SYN3: variants seen among roughly 807,000 people sequenced by gnomAD.
SYN3 encodes the protein synapsin-3.
A neutral mutation model predicts 65.8 loss-of-function variants in SYN3; 35 were observed. The observed-to-expected ratio is 0.53, with a 90% CI of 0.41 to 0.70. The LOEUF (loss-of-function observed/expected upper bound fraction) is 0.70, where lower values mean the gene tolerates loss of function less well. Among genes scored for constraint, SYN3 ranks in the 30% least tolerant of loss-of-function variants. SYN3 has a pLI of 0.00. For missense variants in SYN3, 680 were observed against 749.0 expected, an observed-to-expected ratio of 0.91 and a Z score of 1.08; for synonymous variants, 270 against 292.9, an observed-to-expected ratio of 0.92 and a Z score of 0.80.
intron 4 of SYN3, among the ~76,000 whole-genome samples, chr22:32,926,537 AT>A (rs956928640): frequency 6.6e-6 from 1 of 152,006 alleles, no homozygotes; most frequent in Non-Finnish European, 1.5e-5. Flanking sequence ...CTTCGAGTCT[AT>A]TTTTTCCCCC....
intron 3 of SYN3, among the ~76,000 whole-genome samples, chr22:32,975,101 G>A (rs554193969): frequency 1.3e-5 from 2 of 152,248 alleles, no homozygotes; most frequent in African/African-American, 4.8e-5. Flanking sequence ...CCCCAGCTGG[G>A]TGCGGTGGCT....
At chr22:32,760,973 T>C (rs1445514945) in intron 6 of SYN3, among the ~76,000 whole-genome samples, 1 of 152,216 alleles carries the variant, frequency 6.6e-6, no homozygotes, top group East Asian at 1.9e-4. Flanking sequence ...TCTTACAATG[T>C]TCCTCTCAAC....
At chr22:32,525,199 C>T (rs116958394) in intron 12 of SYN3, among the ~76,000 whole-genome samples, 4 of 152,276 alleles carry the variant, frequency 2.6e-5, no homozygotes, top group Non-Finnish European at 4.4e-5. Context: ...AGTTGATTCC[C>T]ATCCTTATGG....
chr22:32,986,267 G>T (rs1177274167), intron 2 of SYN3, among the ~76,000 whole-genome samples: 1 of 152,188 alleles, frequency 6.6e-6, no homozygotes, highest in African/African-American at 2.4e-5. Flanking sequence ...CGATGTGGGG[G>T]TGTGTACGAG....
rs1229732208 is a variant in SYN3 at position 32,510,752 on chromosome 22, C to A, written c.*2940G>T. 2.6e-5 allele frequency among the ~76,000 whole-genome samples: 4 copies of A among 152,084 alleles called. No homozygotes were observed. The highest frequency in any genetic ancestry group is 2.1e-4 in the South Asian group (1 of 4,824). The stretch of plus-strand genomic sequence containing the variant: ...GCCCCAGATCCTTCTAATGGGGGAA[C>A]CTCACCTGCCCTTGTCAGGAAAGAA... On this transcript the variant is annotated 3_prime_UTR_variant, in exon 14 of 14. Transcript: ENST00000358763.
chr22:32,938,321 G>T (rs2050832594), intron 3 of SYN3, among the ~76,000 whole-genome samples: 1 of 151,942 alleles, frequency 6.6e-6, no homozygotes, highest in Non-Finnish European at 1.5e-5. Context: ...AAGGTCAGGA[G>T]ATCAAGACCA....
intron 4 of SYN3, among the ~76,000 whole-genome samples, chr22:32,912,480 T>C (rs1259165488): frequency 6.6e-6 from 1 of 151,652 alleles, no homozygotes; most frequent in East Asian, 1.9e-4. Flanking sequence ...CTTTGAGAGG[T>C]CGAGGTGGGA....
At chr22:32,875,188 G>A (rs1401629617) in intron 4 of SYN3, among the ~76,000 whole-genome samples, 3 of 152,204 alleles carry the variant, frequency 2.0e-5, no homozygotes, top group Non-Finnish European at 4.4e-5. Flanking sequence ...GCAGGAGGGA[G>A]GCCTGTGGGG....
At chr22:32,907,977 T>C (rs56329350) in intron 4 of SYN3, among the ~76,000 whole-genome samples, 3,844 of 152,322 alleles carry the variant, frequency 0.025, 156 homozygotes, top group African/African-American at 0.087. Context: ...TTACAAATGG[T>C]GAAACTAATG....
In SYN3 at chr22:32,510,805, C is replaced by T. The variant is rs2057682113; in HGVS notation, c.*2887G>A. 6.6e-6 allele frequency among the ~76,000 whole-genome samples: 1 copy of T among 152,126 alleles called. No individual in the cohort carries two copies. The highest frequency in any genetic ancestry group is 6.5e-5 in the Admixed American group (1 of 15,278). The stretch of plus-strand genomic sequence containing the variant: ...GGGAAGGGCCCAGGAACCTTCCAGT[C>T]TGAGAGGCTGGTATTCTGGTTCTTT... On this transcript the variant is annotated 3_prime_UTR_variant, in exon 14 of 14. Coordinates refer to ENST00000358763, the MANE Select transcript of SYN3 (RefSeq NM_003490.4).
At chr22:33,018,403 G>A (rs2053505375) in intron 1 of SYN3, among the ~76,000 whole-genome samples, 1 of 152,176 alleles carries the variant, frequency 6.6e-6, no homozygotes, top group Non-Finnish European at 1.5e-5. Flanking sequence ...TAGGCCCCGT[G>A]GGTACCCAGC....
chr22:32,528,677 A>C (rs1363419418), intron 11 of SYN3, among the ~76,000 whole-genome samples, 197 bp downstream of exon 11: 1 of 152,228 alleles, frequency 6.6e-6, no homozygotes, highest in Non-Finnish European at 1.5e-5. Flanking sequence ...GGGGCCTCTG[A>C]AAGCCTCCTC....
intron 4 of SYN3, among the ~76,000 whole-genome samples, chr22:32,883,160 T>G (rs1259819368): frequency 6.6e-6 from 1 of 152,206 alleles, no homozygotes; most frequent in African/African-American, 2.4e-5. Flanking sequence ...ATTGAGCAGC[T>G]ACATAAAGAG....
intron 3 of SYN3, among the ~76,000 whole-genome samples, chr22:32,938,475 A>C (rs1463073883): frequency 1.3e-5 from 2 of 151,394 alleles, no homozygotes; most frequent in Non-Finnish European, 2.9e-5. Context: ...GCTTGCAGTG[A>C]GCAGCAATCG....
chr22:32,742,931 C>T (rs2044818459), intron 6 of SYN3, among the ~76,000 whole-genome samples: 1 of 152,148 alleles, frequency 6.6e-6, no homozygotes, highest in Admixed American at 6.5e-5. Flanking sequence ...TCATTAAATC[C>T]TCACTAAGAC....
chr22:32,875,806 G>A (rs567503311), intron 4 of SYN3, among the ~76,000 whole-genome samples: 2 of 152,160 alleles, frequency 1.3e-5, no homozygotes, highest in Non-Finnish European at 2.9e-5. Flanking sequence ...GAAGGAGCAT[G>A]GCATAGGAGT....
At chr22:32,698,389 G>A (rs12484429) in intron 6 of SYN3, among the ~76,000 whole-genome samples, 36,278 of 152,084 alleles carry the variant, frequency 0.24, 6,880 homozygotes, top group East Asian at 0.63. Flanking sequence ...TGTGTACAAA[G>A]TTCTGCCAAC....
At chr22:32,622,223 C>T (rs1001683066) in intron 6 of SYN3, among the ~76,000 whole-genome samples, 5 of 151,986 alleles carry the variant, frequency 3.3e-5, no homozygotes, top group South Asian at 2.1e-4. Context: ...CATCACTGTC[C>T]GCTGCCCTGT....
chr22:32,586,079 TAC>T (rs1451369103), intron 7 of SYN3, among the ~76,000 whole-genome samples: 9 of 140,964 alleles, frequency 6.4e-5, no homozygotes, highest in East Asian at 4.0e-4. Context: ...TATACATGTA[TAC>T]ATGTATATAT....
Sources: allele counts gnomAD v4.1 joint callset (sites outside exome capture counted in the v4.1 genomes callset), GRCh38; gene constraint gnomAD v4.1.1; transcripts MANE v1.5; gene names NCBI Gene and HGNC (gene_info 2026-07-23, HGNC 2026-07-21).